ACOXL: variants seen among roughly 807,000 people sequenced by gnomAD.
ACOXL encodes the protein acyl-coenzyme A oxidase-like protein.
ACOXL carries 70 observed loss-of-function variants against 71.9 expected under a neutral mutation model. That is an observed-to-expected ratio of 0.97 (90% CI 0.80 to 1.19). The LOEUF (loss-of-function observed/expected upper bound fraction) is 1.19. Among genes scored for constraint, ACOXL ranks in the 50% most tolerant of loss-of-function variants. The pLI, the probability that ACOXL is intolerant of heterozygous loss-of-function variation, is 0.00. For missense variants in ACOXL, 703 were observed against 736.3 expected, an observed-to-expected ratio of 0.95 and a Z score of 0.52; for synonymous variants, 253 against 281.6, an observed-to-expected ratio of 0.90 and a Z score of 1.02.
intron 16 of ACOXL, among the ~76,000 whole-genome samples, chr2:111,076,979 T>G (rs898701101): frequency 6.6e-6 from 1 of 152,212 alleles, no homozygotes; most frequent in Non-Finnish European, 1.5e-5. Context: ...TGCATGTGAT[T>G]GCATTTAGGA....
intron 3 of ACOXL, among the ~76,000 whole-genome samples, chr2:110,791,505 G>GA (rs987365258): frequency 1.3e-5 from 2 of 152,162 alleles, no homozygotes; most frequent in Non-Finnish European, 2.9e-5. Context: ...ATGGTTTAGG[G>GA]AAAAAACACG....
At position 110,754,482 on chromosome 2, in the gene ACOXL, A is replaced by G. The variant is rs374918300; in HGVS notation, c.-22-13886A>G. ...CCTTTGTTTTCCCTTCAGAATCAGA[A>G]TCCCCATAGTCCTAACCCCAGCAGC... On this transcript the variant is annotated intron_variant, in intron 1 of 17. Transcript: ENST00000439055. 1.6e-4 allele frequency among the ~76,000 whole-genome samples: 24 copies of G among 152,310 alleles called. No homozygotes were observed. In the East Asian group the frequency reaches 4.2e-3, roughly 27 times the overall value.
chr2:110,895,910 A>G (rs1437329860), intron 10 of ACOXL, among the ~76,000 whole-genome samples: 1 of 152,146 alleles, frequency 6.6e-6, no homozygotes, highest in Non-Finnish European at 1.5e-5. Flanking sequence ...AAAGGAAACA[A>G]TAAAAGAAAG....
chr2:111,070,471 G>A (rs1464675903), intron 16 of ACOXL, among the ~76,000 whole-genome samples: 1 of 152,150 alleles, frequency 6.6e-6, no homozygotes, highest in Non-Finnish European at 1.5e-5. Flanking sequence ...ACATAGAGAG[G>A]AACAACAGAC....
chr2:110,849,060 C>T (rs1292913070), intron 10 of ACOXL, among the ~76,000 whole-genome samples: 2 of 152,196 alleles, frequency 1.3e-5, no homozygotes, highest in Admixed American at 1.3e-4. Context: ...CCCCCTTTAT[C>T]GTCTCCTTTT....
At chr2:110,951,719 T>C (rs1217306110) in intron 12 of ACOXL, among the ~76,000 whole-genome samples, 1 of 152,238 alleles carries the variant, frequency 6.6e-6, no homozygotes, top group African/African-American at 2.4e-5. Flanking sequence ...TTTATCTGCA[T>C]TTATTTTATT....
chr2:110,758,457 C>T (rs1679980794), intron 1 of ACOXL, among the ~76,000 whole-genome samples: 1 of 152,102 alleles, frequency 6.6e-6, no homozygotes, highest in East Asian at 1.9e-4. Context: ...ATGTGAATAG[C>T]ATTGAATCTA....
chr2:110,784,809 A>T lies in ACOXL; in HGVS notation c.153A>T (p.Gly51=), dbSNP rs1191971906. Residue 51 remains glycine (G), a synonymous_variant, in exon 3 of 18, where the codon GGA becomes GGT. Transcript: ENST00000439055. ...EVLSMADMAT[G]VKCGIIYWLF... is the part of the protein sequence containing the mutation. ...TCTCCATGGCGGACATGGCCACAGGAGTGAAGGTGAGAGGCGCCGGGCACC... is the reference window on the plus strand; with the variant it reads ...TCTCCATGGCGGACATGGCCACAGGTGTGAAGGTGAGAGGCGCCGGGCACC... 6.2e-7 allele frequency: 1 copy of T among 1,601,874 alleles called. No individual in the cohort carries two copies. Among genetic ancestry groups the T allele is most frequent in the East Asian group, 2.3e-5 (1 of 44,286 alleles).
intron 10 of ACOXL, among the ~76,000 whole-genome samples, chr2:110,871,559 A>T (rs1214699422): frequency 6.6e-6 from 1 of 152,132 alleles, no homozygotes; most frequent in East Asian, 1.9e-4. Context: ...ATGTGGCTCA[A>T]CAGGAATCTT....
At chr2:110,943,281 AGAAG>A (rs918706319) in intron 12 of ACOXL, among the ~76,000 whole-genome samples, 3 of 150,320 alleles carry the variant, frequency 2.0e-5, no homozygotes, top group Non-Finnish European at 3.0e-5. Context: ...AGGGAAAGAA[AGAAG>A]GAAGGAAGGA....
intron 10 of ACOXL, among the ~76,000 whole-genome samples, chr2:110,851,948 G>C (rs968075547): frequency 1.3e-5 from 2 of 152,224 alleles, no homozygotes; most frequent in Non-Finnish European, 2.9e-5. Context: ...GTTGAATGTC[G>C]CTGAGTGCAG....
At chr2:110,862,421 CAGG>C (rs1318877378) in intron 10 of ACOXL, among the ~76,000 whole-genome samples, 1 of 152,128 alleles carries the variant, frequency 6.6e-6, no homozygotes, top group East Asian at 1.9e-4. Context: ...CGCTTAAAGA[CAGG>C]AGTTCAAGAC....
chr2:110,930,022 C>T (rs1389051014), intron 11 of ACOXL, among the ~76,000 whole-genome samples: 2 of 152,232 alleles, frequency 1.3e-5, no homozygotes, highest in Non-Finnish European at 2.9e-5. Flanking sequence ...GAAGCCCCTA[C>T]ACAGAGTCCC....
chr2:110,874,971 T>C (rs910558225), intron 10 of ACOXL, among the ~76,000 whole-genome samples: 10 of 152,078 alleles, frequency 6.6e-5, no homozygotes, highest in African/African-American at 2.4e-4. Context: ...TCACTGACCT[T>C]GTTCCCTTGT....
intron 17 of ACOXL, among the ~76,000 whole-genome samples, chr2:111,097,836 A>C (rs144805782): frequency 6.6e-6 from 1 of 152,366 alleles, no homozygotes; most frequent in Non-Finnish European, 1.5e-5. Context: ...AAATGGGGGA[A>C]AGACACATCT....
At chr2:110,988,166 G>T (rs1268071309) in intron 13 of ACOXL, among the ~76,000 whole-genome samples, 1 of 152,186 alleles carries the variant, frequency 6.6e-6, no homozygotes, top group Non-Finnish European at 1.5e-5. Flanking sequence ...AGCCAGACAT[G>T]GTGGCTCATG....
intron 14 of ACOXL, among the ~76,000 whole-genome samples, chr2:111,011,788 G>GCATGAGAAT (rs2064174227): frequency 6.6e-6 from 1 of 150,918 alleles, no homozygotes; most frequent in African/African-American, 2.4e-5. Flanking sequence ...GGAGGCTGAG[G>GCATGAGAAT]CATGAGAATC....
At chr2:111,095,633 C>T (rs191845447) in intron 17 of ACOXL, among the ~76,000 whole-genome samples, 9 of 152,208 alleles carry the variant, frequency 5.9e-5, no homozygotes, top group African/African-American at 1.9e-4. Flanking sequence ...TCAAGTCATC[C>T]GCCAGCCTTG....
In ACOXL at chr2:111,023,323, C is replaced by T. The variant is rs899685848; in HGVS notation, c.1282-8304C>T. Among the ~76,000 whole-genome samples the T allele has an allele frequency of 1.7e-4, 26 of 152,254 alleles. 1 individual carries two copies. Among genetic ancestry groups the T allele is most frequent in the South Asian group, 4.1e-4 (2 of 4,826 alleles). On this transcript the variant is annotated intron_variant, in intron 14 of 17. Transcript: ENST00000439055. ...GGTACAAGGGGAGGAATGTTTTAAA[C>T]GCTGCCCTGGACAGGACCCTGAAGA...
Sources: gnomAD v4.1 joint callset for allele counts (sites outside exome capture counted in the v4.1 genomes callset) on GRCh38, gnomAD v4.1.1 for gene constraint, MANE v1.5 for transcripts, NCBI Gene and HGNC (gene_info 2026-07-23, HGNC 2026-07-21) for gene names.